Variants in MAGI1 observed in about 807,000 individuals in gnomAD.
MAGI1 encodes membrane associated guanylate kinase, WW and PDZ domain containing 1, also known as membrane-associated guanylate kinase, WW and PDZ domain-containing protein 1.
Under a neutral mutation model 139.9 loss-of-function variants are expected in MAGI1, and 58 were observed. The observed-to-expected ratio is 0.41, with a 90% CI of 0.34 to 0.52. The LOEUF (loss-of-function observed/expected upper bound fraction) is 0.52, where lower values mean the gene tolerates loss of function less well. Ranked by LOEUF, MAGI1 falls within the 20% of genes least tolerant of loss-of-function variation. The probability of loss-of-function intolerance (pLI) is 0.12; values close to 1 mark genes in which losing one functional copy is unlikely to be tolerated. For missense variants in MAGI1, 1,874 were observed against 1,901.6 expected, an observed-to-expected ratio of 0.99 and a Z score of 0.27; for synonymous variants, 812 against 737.9, an observed-to-expected ratio of 1.10 and a Z score of -1.63.
intron 14 of MAGI1, among the ~76,000 whole-genome samples, chr3:65,384,538 A>G (rs1216648595): frequency 6.6e-6 from 1 of 152,118 alleles, no homozygotes; most frequent in Non-Finnish European, 1.5e-5. Context: ...CCAGGCATTC[A>G]AGTCTGGGCA....
At chr3:65,981,337 C>A (rs1054713628) in intron 1 of MAGI1, among the ~76,000 whole-genome samples, 6 of 152,054 alleles carry the variant, frequency 3.9e-5, no homozygotes, top group Non-Finnish European at 7.4e-5. Context: ...AGCAGGTGAA[C>A]CTTTTGGCTC....
At chr3:65,792,150 A>C (rs1308792343) in intron 1 of MAGI1, among the ~76,000 whole-genome samples, 1 of 152,208 alleles carries the variant, frequency 6.6e-6, no homozygotes, top group Non-Finnish European at 1.5e-5. Flanking sequence ...ATTAATAGAA[A>C]ACTAATAAAA....
intron 2 of MAGI1, among the ~76,000 whole-genome samples, chr3:65,498,450 T>C (rs931651855): frequency 2.6e-5 from 4 of 151,988 alleles, no homozygotes; most frequent in African/African-American, 9.7e-5. Flanking sequence ...AAAAAAAATA[T>C]ATAACGCTGG....
At chr3:65,585,529 G>A (rs1474905369) in intron 2 of MAGI1, among the ~76,000 whole-genome samples, 1 of 152,186 alleles carries the variant, frequency 6.6e-6, no homozygotes, top group African/African-American at 2.4e-5. Flanking sequence ...AAGGGCAGGT[G>A]AAGATGCAGA....
rs1268246254 is a variant in MAGI1, at chr3:66,013,420, GA to G, written c.313+24575del. ...TCTGTCTCAAATAAAAAAAAAAAAA[GA>G]AAAAAAAAAAAGAACTTCAATCCAA... On this transcript the variant is annotated intron_variant, in intron 1 of 22. Coordinates refer to ENST00000402939, the MANE Select transcript of MAGI1 (RefSeq NM_001033057.2). Among the ~76,000 whole-genome samples, 383 of 95,238 alleles carry G rather than the reference GA, an allele frequency of 4.0e-3. 6 individuals carry two copies. The highest frequency in any genetic ancestry group is 5.2e-3 in the African/African-American group (134 of 25,962). 62.5% of individuals were successfully genotyped at this position (95,238 alleles called of 152,430 possible).
chr3:65,424,813 C>T (rs9867948), intron 12 of MAGI1, among the ~76,000 whole-genome samples: 36,943 of 151,878 alleles, frequency 0.24, 4,626 homozygotes, highest in African/African-American at 0.3. Context: ...TAGAAGGGAC[C>T]GTAGAGGCAG....
chr3:65,840,701 T>C (rs2058773998), intron 1 of MAGI1, among the ~76,000 whole-genome samples: 1 of 152,074 alleles, frequency 6.6e-6, no homozygotes, highest in Admixed American at 6.6e-5. Flanking sequence ...GGGTGGGGGG[T>C]GGCCTAGATT....
chr3:65,542,583 C>T (rs1321695520), intron 2 of MAGI1, among the ~76,000 whole-genome samples: 2 of 152,082 alleles, frequency 1.3e-5, no homozygotes, highest in African/African-American at 4.8e-5. Flanking sequence ...GAACAGAGGC[C>T]TCAGAAATAA....
intron 1 of MAGI1, among the ~76,000 whole-genome samples, chr3:65,862,855 A>G (rs1350729582): frequency 6.6e-6 from 1 of 152,220 alleles, no homozygotes; most frequent in Admixed American, 6.5e-5. Flanking sequence ...TTTCTCACAG[A>G]TTAAGTCACA....
intron 1 of MAGI1, among the ~76,000 whole-genome samples, chr3:65,869,998 T>C (rs1384963568): frequency 2.0e-5 from 3 of 152,206 alleles, no homozygotes; most frequent in African/African-American, 4.8e-5. Context: ...CCTGGCTTCA[T>C]AGCTCAGGCC....
intron 1 of MAGI1, chr3:65,687,629 G>C: frequency 2.3e-6 from 1 of 430,744 alleles, no homozygotes; most frequent in Non-Finnish European, 4.7e-6. Context: ...TATAAAAAGA[G>C]AATGGTCACT....
At chr3:65,406,695 A>T (rs1482946035) in intron 12 of MAGI1, among the ~76,000 whole-genome samples, 1 of 141,730 alleles carries the variant, frequency 7.1e-6, no homozygotes, top group African/African-American at 2.5e-5. Flanking sequence ...AAAAACTGAA[A>T]AACTGTCCTG....
intron 2 of MAGI1, among the ~76,000 whole-genome samples, chr3:65,574,999 G>C (rs1194886944): frequency 6.6e-6 from 1 of 151,984 alleles, no homozygotes; most frequent in Non-Finnish European, 1.5e-5. Flanking sequence ...TGTGACTTTA[G>C]GTTAAGTAAA....
intron 1 of MAGI1, among the ~76,000 whole-genome samples, chr3:66,004,843 G>A (rs954573999): frequency 2.0e-5 from 3 of 152,172 alleles, no homozygotes; most frequent in Non-Finnish European, 4.4e-5. Flanking sequence ...GAGAGAGCTA[G>A]AAGAATGGGG....
At chr3:66,012,568 C>T (rs1338464773) in intron 1 of MAGI1, among the ~76,000 whole-genome samples, 1 of 152,082 alleles carries the variant, frequency 6.6e-6, no homozygotes, top group Non-Finnish European at 1.5e-5. Context: ...GAGTTTGAGA[C>T]CAGCCTGGCC....
chr3:65,735,737 G>A (rs146255978), intron 1 of MAGI1, among the ~76,000 whole-genome samples: 164 of 152,290 alleles, frequency 1.1e-3, no homozygotes, highest in African/African-American at 3.4e-3. Flanking sequence ...AGGCTCCACA[G>A]TTAAAGATTC....
chr3:65,477,591 A>G (rs1950964467), intron 4 of MAGI1, among the ~76,000 whole-genome samples: 1 of 152,184 alleles, frequency 6.6e-6, no homozygotes, highest in Admixed American at 6.5e-5. Context: ...TATCTTACTC[A>G]GCTGTTACAT....
intron 1 of MAGI1, among the ~76,000 whole-genome samples, chr3:65,838,538 T>C (rs1271399254): frequency 1.3e-5 from 2 of 152,220 alleles, no homozygotes; most frequent in Non-Finnish European, 2.9e-5. Flanking sequence ...GCCTTTGAGA[T>C]CCATCCAAGT....
chr3:65,478,376 G>A (rs977159499), intron 4 of MAGI1, among the ~76,000 whole-genome samples: 1 of 152,072 alleles, frequency 6.6e-6, no homozygotes, highest in African/African-American at 2.4e-5. Flanking sequence ...CTCCTTTAAG[G>A]TATTCTGATG....
Sources: allele counts gnomAD v4.1 joint callset (sites outside exome capture counted in the v4.1 genomes callset), GRCh38; gene constraint gnomAD v4.1.1; transcripts MANE v1.5; gene names NCBI Gene and HGNC (gene_info 2026-07-23, HGNC 2026-07-21).